NEGR1: variants seen among roughly 807,000 people sequenced by gnomAD.
NEGR1 encodes neuronal growth regulator 1.
NEGR1 carries 10 observed loss-of-function variants against 40.9 expected under a neutral mutation model. That is an observed-to-expected ratio of 0.24 (90% CI 0.15 to 0.42). The LOEUF is 0.42. Ranked by LOEUF, NEGR1 falls within the 10% of genes least tolerant of loss-of-function variation. NEGR1 has a pLI of 1.00. For synonymous variants in NEGR1, 185 were observed against 166.8 expected, an observed-to-expected ratio of 1.11 and a Z score of -0.84; for missense variants, 352 against 438.9, an observed-to-expected ratio of 0.80 and a Z score of 1.77.
chr1:71,720,415 T>C (rs538751817), intron 3 of NEGR1, among the ~76,000 whole-genome samples: 2 of 152,292 alleles, frequency 1.3e-5, no homozygotes, highest in South Asian at 2.1e-4. Flanking sequence ...CATCAAAAGC[T>C]TCATCAGCTA....
intron 1 of NEGR1, among the ~76,000 whole-genome samples, chr1:72,202,202 C>T (rs1360735486): frequency 6.6e-6 from 1 of 151,820 alleles, no homozygotes; most frequent in African/African-American, 2.4e-5. Flanking sequence ...TGACAGAAAA[C>T]TTAATCGATA....
chr1:72,168,856 C>T (rs1241490441), intron 1 of NEGR1, among the ~76,000 whole-genome samples: 1 of 152,120 alleles, frequency 6.6e-6, no homozygotes, highest in Admixed American at 6.6e-5. Flanking sequence ...GCTGAGATCA[C>T]CCCACTGCAC....
chr1:72,203,635 A>G (rs1188582531), intron 1 of NEGR1, among the ~76,000 whole-genome samples: 1 of 152,136 alleles, frequency 6.6e-6, no homozygotes, highest in Non-Finnish European at 1.5e-5. Context: ...AATGACTCCA[A>G]TGGTGAAGAA....
chr1:71,836,601 G>T (rs1212857312), intron 2 of NEGR1, among the ~76,000 whole-genome samples: 1 of 151,510 alleles, frequency 6.6e-6, no homozygotes, highest in African/African-American at 2.4e-5. Flanking sequence ...ACCTAAGAAA[G>T]AATTGGGACT....
intron 1 of NEGR1, among the ~76,000 whole-genome samples, chr1:72,073,500 G>T (rs1447667608): frequency 6.6e-6 from 1 of 152,010 alleles, no homozygotes; most frequent in Admixed American, 6.6e-5. Context: ...TTATAGCTAA[G>T]AAAACTTAGC....
At chr1:71,533,969 T>A (rs556558842) in intron 6 of NEGR1, among the ~76,000 whole-genome samples, 58 of 151,802 alleles carry the variant, frequency 3.8e-4, no homozygotes, top group African/African-American at 1.3e-3. Context: ...ACTTAGTTAA[T>A]AAGGAAATTC....
chr1:72,009,608 A>C (rs760703395), intron 1 of NEGR1, among the ~76,000 whole-genome samples: 1 of 152,038 alleles, frequency 6.6e-6, no homozygotes, highest in Non-Finnish European at 1.5e-5. Context: ...CATCCTAAGG[A>C]TTAGGGCAGG....
intron 2 of NEGR1, among the ~76,000 whole-genome samples, chr1:71,931,677 C>G (rs984347890): frequency 1.2e-4 from 18 of 152,032 alleles, no homozygotes; most frequent in African/African-American, 4.1e-4. Flanking sequence ...GAATGAATAA[C>G]CAGCTTTTAT....
chr1:71,919,312 T>C (rs887153934), intron 2 of NEGR1, among the ~76,000 whole-genome samples: 4 of 152,180 alleles, frequency 2.6e-5, no homozygotes, highest in Non-Finnish European at 4.4e-5. Context: ...CCAAGGCTCG[T>C]TATCCTGAAC....
chr1:72,076,146 G>T (rs983077902), intron 1 of NEGR1, among the ~76,000 whole-genome samples: 1 of 152,150 alleles, frequency 6.6e-6, no homozygotes, highest in Non-Finnish European at 1.5e-5. Flanking sequence ...ATATGCAATG[G>T]ACTGAATATT....
At chr1:72,043,584 C>T (rs1165466751) in intron 1 of NEGR1, among the ~76,000 whole-genome samples, 1 of 151,810 alleles carries the variant, frequency 6.6e-6, no homozygotes, top group Non-Finnish European at 1.5e-5. Context: ...AGTAAAAGAA[C>T]ACTGCATTCT....
At chr1:72,059,358 C>A (rs1271644532) in intron 1 of NEGR1, among the ~76,000 whole-genome samples, 1 of 151,522 alleles carries the variant, frequency 6.6e-6, no homozygotes, top group Admixed American at 6.6e-5. Flanking sequence ...TAAAAAATAT[C>A]TTCTGTAGAT....
At chr1:71,947,952 A>C (rs1382062288) in intron 1 of NEGR1, among the ~76,000 whole-genome samples, 1 of 152,148 alleles carries the variant, frequency 6.6e-6, no homozygotes, top group Non-Finnish European at 1.5e-5. Context: ...TCCACTTCTA[A>C]TCTTCCCTTT....
chr1:72,166,631 G>A (rs970029246), intron 1 of NEGR1, among the ~76,000 whole-genome samples: 2 of 151,950 alleles, frequency 1.3e-5, no homozygotes, highest in Non-Finnish European at 2.9e-5. Context: ...TTTCCTGGAG[G>A]ACATTATGTT....
At chr1:71,451,795 T>C (rs1199897677) in intron 6 of NEGR1, among the ~76,000 whole-genome samples, 1 of 152,254 alleles carries the variant, frequency 6.6e-6, no homozygotes, top group Non-Finnish European at 1.5e-5. Flanking sequence ...ATTTTAAATC[T>C]GACTAGGCTC....
At chr1:71,474,281 A>G (rs1354045021) in intron 6 of NEGR1, among the ~76,000 whole-genome samples, 2 of 143,530 alleles carry the variant, frequency 1.4e-5, no homozygotes, top group African/African-American at 2.6e-5. Context: ...AAACAGGAAA[A>G]TGTGTGTGTG....
At chr1:71,571,925 T>G (rs1238800889) in intron 6 of NEGR1, among the ~76,000 whole-genome samples, 1 of 152,162 alleles carries the variant, frequency 6.6e-6, no homozygotes, top group Non-Finnish European at 1.5e-5. Flanking sequence ...TGCCTCCTTT[T>G]TAAGCTAATT....
At chr1:72,190,891 A>C (rs181868941) in intron 1 of NEGR1, among the ~76,000 whole-genome samples, 1 of 151,772 alleles carries the variant, frequency 6.6e-6, no homozygotes, top group East Asian at 1.9e-4. Context: ...GTAATGTTGA[A>C]AGAACTTCAA....
chr1:71,654,233 T>C (rs1272625918), intron 4 of NEGR1, among the ~76,000 whole-genome samples: 1 of 152,012 alleles, frequency 6.6e-6, no homozygotes, highest in Non-Finnish European at 1.5e-5. Context: ...GTAGAGTATT[T>C]TAAGGCAACA....
Sources: gnomAD v4.1 joint callset for allele counts (sites outside exome capture counted in the v4.1 genomes callset) on GRCh38, gnomAD v4.1.1 for gene constraint, MANE v1.5 for transcripts, NCBI Gene and HGNC (gene_info 2026-07-23, HGNC 2026-07-21) for gene names.